The following PSMA1 variants were observed in gnomAD, a reference collection of about 807,000 sequenced individuals.
PSMA1 encodes the protein proteasome subunit alpha type-1.
Under a neutral mutation model 38.4 loss-of-function variants are expected in PSMA1, and 3 were observed. The observed-to-expected ratio is 0.08, with a 90% CI of 0.04 to 0.20. The LOEUF (loss-of-function observed/expected upper bound fraction) is 0.20. PSMA1 is among the 10% of genes least tolerant of loss of function. The probability of loss-of-function intolerance (pLI) is 1.00; values close to 1 mark genes in which losing one functional copy is unlikely to be tolerated. For synonymous variants in PSMA1, 101 were observed against 107.1 expected (o/e 0.94, Z 0.35); for missense variants, 227 against 325.3 (o/e 0.70, Z 2.32).
upstream of PSMA1, among the ~76,000 whole-genome samples, chr11:14,520,909 T>G (rs567205708): frequency 1.2e-4 from 19 of 152,372 alleles, no homozygotes; most frequent in African/African-American, 4.1e-4. Context: ...TGCTCTTCCT[T>G]ATTCCCTGGA....
chr11:14,510,673 C>G (rs868056337), intron 8 of PSMA1, among the ~76,000 whole-genome samples, 199 bp downstream of exon 8: 20 of 152,088 alleles, frequency 1.3e-4, no homozygotes, highest in Non-Finnish European at 2.9e-5. Flanking sequence ...ATGAAATTTA[C>G]TGGTTTTACT....
At chr11:14,560,178 G>A (rs1303216393) in intron 2 of PSMA1, among the ~76,000 whole-genome samples, 4 of 152,116 alleles carry the variant, frequency 2.6e-5, no homozygotes, top group Non-Finnish European at 4.4e-5. Flanking sequence ...TCCAACCAGG[G>A]GATCTGAGTG....
At chr11:14,566,750 G>A (rs1373654679) in intron 2 of PSMA1, among the ~76,000 whole-genome samples, 4 of 150,648 alleles carry the variant, frequency 2.7e-5, no homozygotes, top group Non-Finnish European at 3.0e-5. Flanking sequence ...TCATGAGTAA[G>A]CAGAAACCAT....
At chr11:14,597,491 G>T (rs1484624583) in intron 2 of PSMA1, among the ~76,000 whole-genome samples, 4 of 152,138 alleles carry the variant, frequency 2.6e-5, no homozygotes, top group Non-Finnish European at 5.9e-5. Flanking sequence ...ATGTGTCCAG[G>T]AATTTATCCA....
intron 2 of PSMA1, among the ~76,000 whole-genome samples, chr11:14,572,292 A>C (rs1008802607): frequency 2.6e-5 from 4 of 152,230 alleles, no homozygotes; most frequent in African/African-American, 9.6e-5. Flanking sequence ...AATGTAAAAA[A>C]ACAGAAATTT....
At chr11:14,623,597 T>G (rs1852875623) in intron 1 of PSMA1, among the ~76,000 whole-genome samples, 1 of 152,200 alleles carries the variant, frequency 6.6e-6, no homozygotes, top group African/African-American at 2.4e-5. Flanking sequence ...TGTGACATAT[T>G]ATGGCCCAAT....
upstream of PSMA1, among the ~76,000 whole-genome samples, chr11:14,523,287 T>A (rs1851549563): frequency 6.6e-6 from 1 of 152,206 alleles, no homozygotes; most frequent in Non-Finnish European, 1.5e-5. Flanking sequence ...ACTTTTTTTT[T>A]AGAGACAGAG....
chr11:14,589,448 TTA>T (rs200175041), intron 2 of PSMA1, among the ~76,000 whole-genome samples: 5 of 150,288 alleles, frequency 3.3e-5, no homozygotes, highest in Admixed American at 6.7e-5. Flanking sequence ...TGTGTGTGTA[TTA>T]TATATATATA....
chr11:14,596,585 C>T (rs1040615897), intron 2 of PSMA1, among the ~76,000 whole-genome samples: 1 of 152,204 alleles, frequency 6.6e-6, no homozygotes, highest in African/African-American at 2.4e-5. Flanking sequence ...GATGTTTGCA[C>T]ATTGATTTTG....
intron 2 of PSMA1, among the ~76,000 whole-genome samples, chr11:14,608,366 T>A (rs774992742): frequency 1.9e-4 from 29 of 151,064 alleles, no homozygotes; most frequent in Non-Finnish European, 3.7e-4. Flanking sequence ...TATATATATA[T>A]AAAATGGACA....
At chr11:14,525,382 C>T (rs1052495262), upstream of PSMA1, among the ~76,000 whole-genome samples, 5 of 151,996 alleles carry the variant, frequency 3.3e-5, no homozygotes, top group South Asian at 2.1e-4. Context: ...CCCTCCTTGG[C>T]GACCGATCAT....
In PSMA1 at chr11:14,589,732, A is replaced by T. The variant is rs563426003; in HGVS notation, c.21+21234T>A. ...GATAACATCAAGGTTGTCTTGGCTT[A>T]CACAAGCAACAGTACATAAAGTAGA... is the stretch of plus-strand genomic sequence containing the variant. On this transcript the variant is annotated intron_variant, in intron 2 of 10. Transcript: ENST00000418988. Among the ~76,000 whole-genome samples, 4 of 152,302 alleles carry T rather than the reference A, an allele frequency of 2.6e-5. No homozygotes were observed. In the East Asian group the frequency reaches 7.7e-4, roughly 29 times the overall value.
At chr11:14,567,916 G>A (rs115441590) in intron 2 of PSMA1, among the ~76,000 whole-genome samples, 1,931 of 152,172 alleles carry the variant, frequency 0.013, 37 homozygotes, top group African/African-American at 0.044. Flanking sequence ...AGCTTCCTTC[G>A]GGTAGGAATT....
intron 1 of PSMA1, among the ~76,000 whole-genome samples, chr11:14,627,924 T>A (rs990300282): frequency 6.6e-6 from 1 of 152,170 alleles, no homozygotes; most frequent in Non-Finnish European, 1.5e-5. Context: ...AATTTGGCTA[T>A]CTTTTAGGAC....
At chr11:14,558,934 G>A (rs1323823584) in intron 2 of PSMA1, among the ~76,000 whole-genome samples, 1 of 152,190 alleles carries the variant, frequency 6.6e-6, no homozygotes, top group Non-Finnish European at 1.5e-5. Context: ...TCCATCCAAG[G>A]GCATGAGCTC....
At position 14,621,917 on chromosome 11, in the gene PSMA1, G is replaced by T. The variant is rs575472150; in HGVS notation, c.-165-10766C>A. Among the ~76,000 whole-genome samples the T allele has an allele frequency of 2.0e-5, 3 of 152,234 alleles. No homozygotes were observed. In the South Asian group the frequency reaches 6.2e-4, roughly 32 times the overall value. ...TGCTTTTTATGTGCCAGACACTATT[G>T]TAAACACTTTCCATTTAGTAACTCA... On this transcript the variant is annotated intron_variant, in intron 1 of 10. Transcript: ENST00000418988.
intron 1 of PSMA1, among the ~76,000 whole-genome samples, chr11:14,633,800 C>T (rs1232476132): frequency 6.6e-6 from 1 of 152,182 alleles, no homozygotes; most frequent in Non-Finnish European, 1.5e-5. Flanking sequence ...ACTCTGTGGG[C>T]ATAGGACCCT....
intron 2 of PSMA1, among the ~76,000 whole-genome samples, chr11:14,550,508 T>G (rs1851874244): frequency 6.6e-6 from 1 of 152,190 alleles, no homozygotes; most frequent in African/African-American, 2.4e-5. Flanking sequence ...GTATTTTTTC[T>G]TGGCTTTACT....
At chr11:14,609,786 T>A (rs992961825) in intron 2 of PSMA1, among the ~76,000 whole-genome samples, 2 of 152,168 alleles carry the variant, frequency 1.3e-5, no homozygotes, top group African/African-American at 2.4e-5. Flanking sequence ...GCAGACCATG[T>A]AGTGTTCATT....
Sources: allele counts gnomAD v4.1 joint callset (sites outside exome capture counted in the v4.1 genomes callset), GRCh38; gene constraint gnomAD v4.1.1; transcripts MANE v1.5; gene names NCBI Gene and HGNC (gene_info 2026-07-23, HGNC 2026-07-21).